Variants in FCMR observed in about 807,000 individuals in gnomAD.
FCMR encodes the protein Fc mu receptor.
FCMR carries 34 observed loss-of-function variants against 41.6 expected under a neutral mutation model. The ratio of observed to expected loss-of-function variants is 0.82; its 90% confidence interval spans 0.62 to 1.09. FCMR has a LOEUF of 1.09. Among genes scored for constraint, FCMR ranks in the 50% least tolerant of loss-of-function variants. The probability of loss-of-function intolerance (pLI) is 0.00; values close to 1 mark genes in which losing one functional copy is unlikely to be tolerated. For synonymous variants in FCMR, 209 were observed against 211.8 expected (o/e 0.99, Z 0.12); for missense variants, 496 against 512.5 (o/e 0.97, Z 0.31).
At position 206,921,891 on chromosome 1, in the gene FCMR, C is replaced by T; in HGVS notation, c.-37G>A. ...GAGTGCAAGGTCCATCCAAGAGCCC[C>T]TAGAGAGGGGGATGGAGACACGCTG... On this transcript the variant is annotated 5_prime_UTR_variant, in exon 1 of 8. Transcript: ENST00000367091. 5.6e-6 allele frequency: 9 copies of T among 1,605,890 alleles called. No individual in the cohort carries two copies. Among genetic ancestry groups the T allele is most frequent in the Non-Finnish European group, 3.4e-6 (4 of 1,172,692 alleles).
intron 7 of FCMR, chr1:206,907,722 T>C: frequency 1.1e-6 from 1 of 939,302 alleles, no homozygotes; most frequent in Non-Finnish European, 1.8e-6. Context: ...AAGGTGGTTG[T>C]CGTACGCTGG....
At chr1:206,906,965 C>T (rs958713333) in intron 7 of FCMR, among the ~76,000 whole-genome samples, 3 of 151,402 alleles carry the variant, frequency 2.0e-5, no homozygotes, top group Admixed American at 6.6e-5. Context: ...CAAAATATAT[C>T]AAAATTCCTT....
Position 206,909,486 on chromosome 1 carries a change from C to T in FCMR, c.1020G>A (p.Ala340=). The T allele has an allele frequency of 7.8e-7, 1 of 1,283,802 alleles. No homozygotes were observed. The highest frequency in any genetic ancestry group is 2.7e-4 in the Middle Eastern group (1 of 3,712). The allele number at this position is 1,283,802 out of a possible 1,614,324, so 79.5% of individuals were successfully genotyped here. The change falls in exon 7 of 8, where the codon GCG becomes GCA. Residue 340 remains alanine (A), a synonymous_variant. Transcript: ENST00000367091. This position sits in a 1 kb window ranked among gnomAD's most constrained non-coding sequence, Gnocchi z 5.0. ...CCTGCAGCGGGGCGGGGGGCAACGG[C>T]GCTCCGGGGCCGGGAACGGGGGCCT... The part of the protein sequence containing the change: ...TGEAPVPGPG[A]PLPPAPLQVS...
chr1:206,911,954 T>C lies in FCMR; in HGVS notation c.488-2A>G, dbSNP rs977892235. The C allele has an allele frequency of 6.2e-7, 1 of 1,607,932 alleles. No homozygotes were observed. On this transcript the variant is annotated splice_acceptor_variant, in intron 3 of 7. Coordinates refer to ENST00000367091, the MANE Select transcript of FCMR (RefSeq NM_005449.5). LOFTEE classifies it high-confidence loss of function. Reference sequence around the variant, plus strand: ...TGCCCCTTTGAGCTGGTGTGGTAACTGCAGGAGGTAGCAGGAAAAAGGGAT... The same window carrying C: ...TGCCCCTTTGAGCTGGTGTGGTAACCGCAGGAGGTAGCAGGAAAAAGGGAT...
At chr1:206,908,065 CA>C in intron 7 of FCMR, 2 of 1,161,320 alleles carry the variant, frequency 1.7e-6, no homozygotes, top group African/African-American at 1.5e-5. Context: ...CTGGAAGTAC[CA>C]GGCAGTGATA....
chr1:206,910,053 T>G, intron 5 of FCMR, 157 bp downstream of exon 5: 1 of 1,119,368 alleles, frequency 8.9e-7, no homozygotes, highest in Non-Finnish European at 1.2e-6. Context: ...CAGGCCGCTC[T>G]CCTCCTCAGA....
chr1:206,922,355 T>C (rs536610960), upstream of FCMR, among the ~76,000 whole-genome samples: 1 of 152,374 alleles, frequency 6.6e-6, no homozygotes, highest in East Asian at 1.9e-4. Context: ...ATGCTGACTG[T>C]AGTCCTTACC....
intron 1 of FCMR, among the ~76,000 whole-genome samples, chr1:206,914,460 C>T (rs567746582): frequency 2.9e-4 from 36 of 125,054 alleles, no homozygotes; most frequent in Non-Finnish European, 3.2e-4. Flanking sequence ...TTAATAGGAT[C>T]TCACTCTGTT....
intron 3 of FCMR, 93 bp from the exon 4 acceptor site, chr1:206,912,045 C>T: frequency 1.1e-6 from 1 of 942,730 alleles, no homozygotes; most frequent in Non-Finnish European, 1.6e-6. Context: ...ACATACCCTT[C>T]CCTTTTATAC....
At chr1:206,917,412 G>T (rs1679240199) in intron 1 of FCMR, among the ~76,000 whole-genome samples, 1 of 152,134 alleles carries the variant, frequency 6.6e-6, no homozygotes, top group African/African-American at 2.4e-5. Context: ...AGTAACCCGG[G>T]TGTGTCCAGG....
intron 1 of FCMR, among the ~76,000 whole-genome samples, chr1:206,921,097 T>C (rs757358941): frequency 1.3e-5 from 2 of 152,178 alleles, no homozygotes; most frequent in Admixed American, 6.5e-5. Flanking sequence ...GAGACAGTTG[T>C]AAGTTGAGAT....
Position 206,921,937 on chromosome 1 carries a change from A to C in FCMR, c.-83T>G. On this transcript the variant is annotated 5_prime_UTR_variant, in exon 1 of 8. It adds an upstream start codon to the 5' untranslated region. Coordinates refer to ENST00000367091, the MANE Select transcript of FCMR (RefSeq NM_005449.5). ...CGCTGCTTACTCAGGAACCCTTCAC[A>C]ATCTGGAACTGGAAAGAGATTTCTA... 8.0e-7 allele frequency: 1 copy of C among 1,253,514 alleles called. No homozygotes were observed. Among genetic ancestry groups the C allele is most frequent in the Non-Finnish European group, 1.2e-6 (1 of 860,792 alleles). 77.6% of individuals were successfully genotyped at this position (1,253,514 alleles called of 1,614,324 possible).
At chr1:206,917,521 T>G (rs1679243563) in intron 1 of FCMR, among the ~76,000 whole-genome samples, 1 of 152,190 alleles carries the variant, frequency 6.6e-6, no homozygotes, top group Non-Finnish European at 1.5e-5. Context: ...TTTTAGAACT[T>G]CTTGTCTGCA....
rs2102550501 is a variant in FCMR, at chr1:206,909,622, C to T, written c.986-102G>A. On this transcript the variant is annotated intron_variant, in intron 6 of 7. Coordinates refer to ENST00000367091, the MANE Select transcript of FCMR (RefSeq NM_005449.5). The surrounding 1 kb of genome is among the most constrained non-coding windows in gnomAD (Gnocchi z 5.0). ...CCCCCGCCCCACTCCCAGCTCCACC[C>T]TGTGGGAAGCCCTGGCACCTGGGAG... 1 of 1,312,134 alleles carries T rather than the reference C, an allele frequency of 7.6e-7. No individual in the cohort carries two copies. Among genetic ancestry groups the T allele is most frequent in the Non-Finnish European group, 9.8e-7 (1 of 1,023,000 alleles). The allele number at this position is 1,312,134 out of a possible 1,614,324, so 81.3% of individuals were successfully genotyped here.
rs550604412 is a variant in FCMR at position 206,910,131 on chromosome 1, T to C, written c.841+79A>G. On this transcript the variant is annotated intron_variant, in intron 5 of 7. Transcript: ENST00000367091. ...CTCATCAAAAGCTCCGAGTTTCCCA[T>C]GGAAGTTCAAAAGGGGGTTCTGAAC... 19 of 1,411,964 alleles carry C rather than the reference T, an allele frequency of 1.3e-5. No homozygotes were observed. In the South Asian group the frequency reaches 2.7e-4, roughly 20 times the overall value. The allele number at this position is 1,411,964 out of a possible 1,614,324, so 87.5% of individuals were successfully genotyped here.
At position 206,904,200 on chromosome 1, in the gene FCMR, C is replaced by G. The variant is rs1678518885; in HGVS notation, c.*819G>C. ...AAGAAATGGGGAACATTTGTGAAAA[C>G]CAAGAAATGTAATGGTTTTGGATGA... On this transcript the variant is annotated 3_prime_UTR_variant, in exon 8 of 8. Transcript: ENST00000367091. The G allele has an allele frequency of 1.3e-5, 2 of 151,782 alleles. No individual in the cohort carries two copies. Among genetic ancestry groups the G allele is most frequent in the Non-Finnish European group, 1.5e-5 (1 of 67,976 alleles). The allele number at this position is 151,782 out of a possible 1,614,324, so 9.4% of individuals were successfully genotyped here.
Position 206,912,965 on chromosome 1 carries a change from G to C in FCMR, c.451C>G (p.Pro151Ala). The change falls in exon 3 of 8, where the codon CCT becomes GCT. Residue 151 changes from proline (P) to alanine (A), a missense_variant. Pro to Ala is a conservative substitution (Grantham distance 27). Coordinates refer to ENST00000367091, the MANE Select transcript of FCMR (RefSeq NM_005449.5). Reference protein sequence around the residue: ...WFHLPYLFQMPAYASSSKFVT... With the variant: ...WFHLPYLFQMAAYASSSKFVT... ...AATTTGGAAGAACTGGCATATGCAG[G>C]CATCTGGAACAAATAGGGCAGATGA... The C allele has an allele frequency of 6.2e-7, 1 of 1,613,542 alleles. No individual in the cohort carries two copies. The highest frequency in any genetic ancestry group is 1.7e-5 in the Admixed American group (1 of 60,022).
rs777059699 is a variant in FCMR, at chr1:206,911,861, T to G, written c.579A>C (p.Ala193=). 6.2e-7 allele frequency: 1 copy of G among 1,610,182 alleles called. No homozygotes were observed. Among genetic ancestry groups the G allele is most frequent in the Admixed American group, 1.7e-5 (1 of 58,824 alleles). Residue 193 remains alanine, a synonymous_variant, in exon 4 of 8, where the codon GCA becomes GCC. Coordinates refer to ENST00000367091, the MANE Select transcript of FCMR (RefSeq NM_005449.5). ...QITHRPRVSR[A]SSVAGDKPRT... ...GGGGCTTGTCACCTGCTACTGAAGA[T>G]GCTCTGGACACTCGAGGGCGGTGGG...
chr1:206,914,062 T>A lies in FCMR; in HGVS notation c.70A>T (p.Lys24Ter). 6.2e-7 allele frequency: 1 copy of A among 1,614,048 alleles called. No homozygotes were observed. The highest frequency in any genetic ancestry group is 8.5e-7 in the Non-Finnish European group (1 of 1,179,992). ...GATCCGCCCAGCTCCCCCTCTACCT[T>A]TACTTCTGGGAGGATCCTCAGGGCC... ...SGALRILPEV[K>*]VEGELGGSVT... is the part of the protein sequence containing the mutation. Residue 24 changes from lysine to a stop codon, truncating the protein, a stop_gained, in exon 2 of 8, where the codon AAG becomes TAG. Transcript: ENST00000367091. LOFTEE classifies it high-confidence loss of function.
Sources: gnomAD v4.1 joint callset for allele counts (sites outside exome capture counted in the v4.1 genomes callset) on GRCh38, gnomAD v4.1.1 for gene constraint, Gnocchi (gnomAD v3.1) non-coding constraint, MANE v1.5 for transcripts, NCBI Gene and HGNC (gene_info 2026-07-23, HGNC 2026-07-21) for gene names.